Variants in TMEM108 observed in about 807,000 individuals in gnomAD.
The protein encoded by TMEM108 is transmembrane protein 108, also known as cancer/testis antigen 124.
TMEM108 carries 12 observed loss-of-function variants against 35.1 expected under a neutral mutation model. That is an observed-to-expected ratio of 0.34 (90% CI 0.22 to 0.55). The LOEUF (loss-of-function observed/expected upper bound fraction) is 0.55, where lower values mean the gene tolerates loss of function less well. Among genes scored for constraint, TMEM108 ranks in the 20% least tolerant of loss-of-function variants. The pLI, the probability that TMEM108 is intolerant of heterozygous loss-of-function variation, is 0.89. For missense variants in TMEM108, 680 were observed against 753.3 expected (o/e 0.90, Z 1.14); for synonymous variants, 287 against 308.6 (o/e 0.93, Z 0.73).
At chr3:133,358,204 C>G (rs1184775641) in intron 3 of TMEM108, among the ~76,000 whole-genome samples, 1 of 149,400 alleles carries the variant, frequency 6.7e-6, no homozygotes, top group East Asian at 2.0e-4. Context: ...TGAAGTCTTG[C>G]TCTGTCACCC....
chr3:133,069,298 A>T (rs1943648552), intron 2 of TMEM108, among the ~76,000 whole-genome samples: 1 of 152,190 alleles, frequency 6.6e-6, no homozygotes, highest in African/African-American at 2.4e-5. Context: ...GCTGGGTCAC[A>T]TGGTTGATTT....
intron 2 of TMEM108, among the ~76,000 whole-genome samples, chr3:133,104,975 T>C (rs2107718524): frequency 6.6e-6 from 1 of 152,288 alleles, no homozygotes; most frequent in East Asian, 1.9e-4. Context: ...TGACTTAGTG[T>C]GGATTGGGAA....
At chr3:133,288,212 G>A (rs1576434156) in intron 3 of TMEM108, among the ~76,000 whole-genome samples, 1 of 152,104 alleles carries the variant, frequency 6.6e-6, no homozygotes. Flanking sequence ...TCAACCTCCT[G>A]CCCTAAACTG....
chr3:133,299,787 GTTC>G (rs1489373427), intron 3 of TMEM108, among the ~76,000 whole-genome samples: 1 of 152,118 alleles, frequency 6.6e-6, no homozygotes, highest in Non-Finnish European at 1.5e-5. Flanking sequence ...GCAGAGGGAC[GTTC>G]TTCTCCTGGA....
chr3:133,349,884 A>G (rs1296393608), intron 3 of TMEM108, among the ~76,000 whole-genome samples: 2 of 152,180 alleles, frequency 1.3e-5, no homozygotes, highest in African/African-American at 2.4e-5. Context: ...AAGTTCCTCA[A>G]AAAATTAAAA....
rs59215786 is a variant in TMEM108, at chr3:133,310,530, C to CTTTTTTTTTTTTTTTTTT, written c.41-69210_41-69193dup. On this transcript the variant is annotated intron_variant, in intron 3 of 5. Transcript: ENST00000321871. ...TCAGAGACTAGGATTGCAACCCCTG[C>CTTTTTTTTTTTTTTTTTT]TTTTTTTTTTTTTTTTTTTTTTTTT... 1.0e-3 allele frequency among the ~76,000 whole-genome samples: 23 copies of CTTTTTTTTTTTTTTTTTT among 22,250 alleles called. 9 individuals carry two copies. The highest frequency in any genetic ancestry group is 5.0e-3 in the East Asian group (2 of 398). The allele number at this position is 22,250 out of a possible 152,430, so 14.6% of individuals were successfully genotyped here.
rs1420815617 is a variant in TMEM108 at position 133,396,657 on chromosome 3, A to G, written c.*671A>G. On this transcript the variant is annotated 3_prime_UTR_variant, in exon 6 of 6. Coordinates refer to ENST00000321871, the MANE Select transcript of TMEM108 (RefSeq NM_023943.4). ...TCCCCTAACATTACTTCCACTGCTA[A>G]CAACAGGACTGCCTTTCCCTGGTGG... The G allele has an allele frequency of 1.3e-5, 2 of 152,214 alleles. No individual in the cohort carries two copies. The highest frequency in any genetic ancestry group is 4.8e-5 in the African/African-American group (2 of 41,440). The allele number at this position is 152,214 out of a possible 1,614,324, so 9.4% of individuals were successfully genotyped here. A position where few individuals can be genotyped will look rare whatever the true frequency, so the allele number is the denominator to read the frequency against.
intron 3 of TMEM108, among the ~76,000 whole-genome samples, chr3:133,345,024 T>C (rs2071773634): frequency 6.6e-6 from 1 of 151,894 alleles, no homozygotes; most frequent in African/African-American, 2.4e-5. Flanking sequence ...TCAGATGATA[T>C]ATAAAGAGGC....
chr3:133,271,038 G>C (rs1323770397), intron 3 of TMEM108, among the ~76,000 whole-genome samples: 2 of 152,062 alleles, frequency 1.3e-5, no homozygotes, highest in African/African-American at 2.4e-5. Flanking sequence ...TTTGGTTTTT[G>C]CTACTCCTAG....
chr3:133,302,274 TG>T (rs1947236677), intron 3 of TMEM108, among the ~76,000 whole-genome samples: 1 of 152,180 alleles, frequency 6.6e-6, no homozygotes, highest in African/African-American at 2.4e-5. Context: ...TGCGTGCGCG[TG>T]CACGGGTGTG....
chr3:133,200,062 A>G (rs1420791377), intron 2 of TMEM108, among the ~76,000 whole-genome samples: 5 of 152,168 alleles, frequency 3.3e-5, no homozygotes, highest in Non-Finnish European at 7.4e-5. Flanking sequence ...GGGACCCTCC[A>G]AGCCAGGCAC....
At chr3:133,134,036 A>T (rs1378988320) in intron 2 of TMEM108, among the ~76,000 whole-genome samples, 3 of 151,954 alleles carry the variant, frequency 2.0e-5, no homozygotes, top group Non-Finnish European at 4.4e-5. Flanking sequence ...TGCTGGGATT[A>T]CAGGCATGAG....
At chr3:133,220,170 A>G (rs1301207401) in intron 2 of TMEM108, among the ~76,000 whole-genome samples, 1 of 148,616 alleles carries the variant, frequency 6.7e-6, no homozygotes, top group Non-Finnish European at 1.5e-5. Flanking sequence ...TTCTGTTTGC[A>G]TGGATTATTT....
rs371463212 is a variant in TMEM108, at chr3:133,074,632, G to A, written c.-47+28612G>A. On this transcript the variant is annotated intron_variant, in intron 2 of 5. Transcript: ENST00000321871. ...AGCCTCCTGAGTAGCTGGGATTACA[G>A]CATGTGCTACCACACCCAGCTAATT... Among the ~76,000 whole-genome samples the A allele has an allele frequency of 2.0e-4, 31 of 152,258 alleles. No homozygotes were observed. In the South Asian group the frequency reaches 5.4e-3, roughly 26 times the overall value.
chr3:133,118,105 C>G (rs533329328), intron 2 of TMEM108, among the ~76,000 whole-genome samples: 37 of 151,214 alleles, frequency 2.4e-4, no homozygotes, highest in African/African-American at 8.4e-4. Flanking sequence ...TGGTAGAGTA[C>G]TACCTCTAGG....
intron 2 of TMEM108, among the ~76,000 whole-genome samples, chr3:133,138,564 T>C (rs1944597588): frequency 1.3e-5 from 2 of 152,104 alleles, no homozygotes; most frequent in South Asian, 4.1e-4. Context: ...TGGCCCAAGA[T>C]AATTTGTCTT....
chr3:133,103,890 A>G (rs890575179), intron 2 of TMEM108, among the ~76,000 whole-genome samples: 1 of 152,244 alleles, frequency 6.6e-6, no homozygotes, highest in Middle Eastern at 3.2e-3. Context: ...GGGATGATGC[A>G]TGAAACCACT....
chr3:133,115,779 C>G (rs1400435290), intron 2 of TMEM108, among the ~76,000 whole-genome samples: 1 of 152,230 alleles, frequency 6.6e-6, no homozygotes, highest in South Asian at 2.1e-4. Context: ...TATGCAGGCA[C>G]TATATCAGGT....
At chr3:133,234,924 A>T (rs939032611) in intron 3 of TMEM108, among the ~76,000 whole-genome samples, 1 of 152,184 alleles carries the variant, frequency 6.6e-6, no homozygotes, top group South Asian at 2.1e-4. Flanking sequence ...CAAAATCCAT[A>T]TGCAAAAATC....
Sources: gnomAD v4.1 joint callset for allele counts (sites outside exome capture counted in the v4.1 genomes callset) on GRCh38, gnomAD v4.1.1 for gene constraint, MANE v1.5 for transcripts, NCBI Gene and HGNC (gene_info 2026-07-23, HGNC 2026-07-21) for gene names.